NPHP4: variants seen among roughly 807,000 people sequenced by gnomAD.
NPHP4 encodes the protein nephrocystin-4.
NPHP4 carries 151 observed loss-of-function variants against 155.8 expected under a neutral mutation model. The observed-to-expected ratio is 0.97, with a 90% confidence interval of 0.85 to 1.11. The LOEUF is 1.11. Ranked by LOEUF, NPHP4 falls within the 50% of genes least tolerant of loss-of-function variation. The pLI is 0.00. For missense variants in NPHP4, 1,956 were observed against 1,925.7 expected, an observed-to-expected ratio of 1.02 and a Z score of -0.29; for synonymous variants, 845 against 816.8, an observed-to-expected ratio of 1.03 and a Z score of -0.59.
rs182965575 is a variant in NPHP4, at chr1:5,922,718, G to A, written c.1441+4931C>T. Reference sequence around the variant, plus strand: ...CTGCAGTCCTGGCTTAGCCGGGCACGGTGGCACTGCCTGCAGTCCTGGCTT... The same window carrying A: ...CTGCAGTCCTGGCTTAGCCGGGCACAGTGGCACTGCCTGCAGTCCTGGCTT... On this transcript the variant is annotated intron_variant, in intron 11 of 29. Coordinates refer to ENST00000378156, the MANE Select transcript of NPHP4 (RefSeq NM_015102.5). Among the ~76,000 whole-genome samples the A allele has an allele frequency of 3.2e-3, 487 of 150,066 alleles. 2 individuals carry two copies. The highest frequency in any genetic ancestry group is 0.011 in the African/African-American group (449 of 40,792).
chr1:5,937,365 C>T (rs1646597596), intron 9 of NPHP4, among the ~76,000 whole-genome samples: 1 of 152,246 alleles, frequency 6.6e-6, no homozygotes, highest in South Asian at 2.1e-4. Flanking sequence ...GGGTGTGACA[C>T]TTTGTTACAG....
In NPHP4 at chr1:5,907,224, TG is replaced by T. The variant is rs1435466792; in HGVS notation, c.1504-3del. The T allele has an allele frequency of 6.4e-7, 1 of 1,568,214 alleles. No individual in the cohort carries two copies. Among genetic ancestry groups the T allele is most frequent in the African/African-American group, 1.4e-5 (1 of 74,002 alleles). On this transcript the variant is annotated splice_polypyrimidine_tract_variant and splice_region_variant and intron_variant, in intron 12 of 29. Transcript: ENST00000378156. ...GGCCGCCAGCTGGGAAATTGACAAC[TG>T]GAAGGAAAGAGAGCACAGGTGAGGG...
In NPHP4 at chr1:5,874,533, C is replaced by T. The variant is rs755465110; in HGVS notation, c.3169G>A (p.Glu1057Lys). The change falls in exon 22 of 30, where the codon GAG becomes AAG. Residue 1057 changes from glutamate to lysine, a missense_variant. Transcript: ENST00000378156. Reference protein sequence around the residue: ...LAPQLYLRPHETAHVPFKFQS... With the variant: ...LAPQLYLRPHKTAHVPFKFQS... ...AACTTGAAGGGGACGTGGGCGGTCT[C>T]GTGGGGGCGCAGGTAGAGCTGGGGG... 79 of 1,594,376 alleles carry T rather than the reference C, an allele frequency of 5.0e-5. 1 individual carries two copies. Among genetic ancestry groups the T allele is most frequent in the South Asian group, 1.8e-4 (16 of 87,736 alleles).
chr1:5,934,213 G>A (rs1029419063), intron 9 of NPHP4, among the ~76,000 whole-genome samples: 2 of 152,124 alleles, frequency 1.3e-5, no homozygotes, highest in Non-Finnish European at 2.9e-5. Flanking sequence ...GGCTCCCCTG[G>A]TGGGTGGAGC....
chr1:5,881,172 C>G (rs1260495048), intron 18 of NPHP4: 2 of 152,268 alleles, frequency 1.3e-5, no homozygotes, highest in African/African-American at 4.8e-5. Context: ...TTGGCTGCAG[C>G]AGATCCACCT....
chr1:5,930,747 T>G (rs1258210369), intron 10 of NPHP4, among the ~76,000 whole-genome samples: 1 of 152,222 alleles, frequency 6.6e-6, no homozygotes, highest in Non-Finnish European at 1.5e-5. Context: ...ATCCTGCTGT[T>G]GTTGGGGAGA....
rs1644060149 is a variant in NPHP4 at position 5,890,424 on chromosome 1, A to T, written c.2304+444T>A. 6.6e-6 allele frequency among the ~76,000 whole-genome samples: 1 copy of T among 152,100 alleles called. No homozygotes were observed. The highest frequency in any genetic ancestry group is 1.5e-5 in the Non-Finnish European group (1 of 68,002). ...TGGAAAAGGACAATTAGTAAAAGAGATTCTAATTTTCACCAGAATGAGAAA... is the reference window on the plus strand; with the variant it reads ...TGGAAAAGGACAATTAGTAAAAGAGTTTCTAATTTTCACCAGAATGAGAAA... On this transcript the variant is annotated intron_variant, in intron 17 of 29. Transcript: ENST00000378156. The surrounding 1 kb of genome is among the most constrained non-coding windows in gnomAD (Gnocchi z 4.9).
chr1:5,868,206 A>G, intron 23 of NPHP4: 2 of 442,334 alleles, frequency 4.5e-6, no homozygotes, highest in South Asian at 3.9e-5. Flanking sequence ...TGCAGTCCCA[A>G]GTCAAAACTA....
intron 2 of NPHP4, among the ~76,000 whole-genome samples, chr1:5,982,471 T>C (rs1654864534): frequency 6.6e-6 from 1 of 152,236 alleles, no homozygotes; most frequent in African/African-American, 2.4e-5. Flanking sequence ...GTTTGCACAA[T>C]GACAAAATCA....
chr1:5,874,571 C>G lies in NPHP4; in HGVS notation c.3131G>C (p.Arg1044Pro), dbSNP rs375819124. ...TPVEEDMFHL[R>P]GSLAPQLYLR... ...GTAGAGCTGGGGGGCCAGGCTGCCA[C>G]GCAGGTGGAACATGTCCTCCTCCAC... is the stretch of plus-strand genomic sequence containing the variant. Residue 1044 changes from arginine (R) to proline (P), a missense_variant, in exon 22 of 30, where the codon CGT becomes CCT. By Grantham distance (103) the Arg-to-Pro change is moderately radical (BLOSUM62 -2). Transcript: ENST00000378156. The G allele has an allele frequency of 1.9e-6, 3 of 1,608,692 alleles. No homozygotes were observed. The highest frequency in any genetic ancestry group is 2.5e-6 in the Non-Finnish European group (3 of 1,178,080).
At chr1:5,876,299 G>GGCCCT (rs1347815611) in intron 20 of NPHP4, 2 of 152,288 alleles carry the variant, frequency 1.3e-5, no homozygotes, top group African/African-American at 2.4e-5. Flanking sequence ...GTCATGCCCT[G>GGCCCT]GCCCTGCCCT....
In NPHP4 at chr1:5,965,702, G is replaced by A. The variant is rs186061542; in HGVS notation, c.517+1597C>T. Among the ~76,000 whole-genome samples the A allele has an allele frequency of 4.4e-3, 675 of 152,174 alleles. 6 individuals carry two copies. The highest frequency in any genetic ancestry group is 0.015 in the African/African-American group (607 of 41,516). ...CATGCCCCGGCCCATGCTAACCACC[G>A]TTAGCCTTTCTTCCCTCAGGACTGG... is the stretch of plus-strand genomic sequence containing the variant. On this transcript the variant is annotated intron_variant, in intron 5 of 29. Coordinates refer to ENST00000378156, the MANE Select transcript of NPHP4 (RefSeq NM_015102.5).
At position 5,907,233 on chromosome 1, in the gene NPHP4, A is replaced by G. The variant is rs1329097702; in HGVS notation, c.1504-11T>C. The G allele has an allele frequency of 1.3e-6, 2 of 1,545,950 alleles. No individual in the cohort carries two copies. The highest frequency in any genetic ancestry group is 2.4e-5 in the East Asian group (1 of 42,010). ...CTGGGAAATTGACAACTGGAAGGAA[A>G]GAGAGCACAGGTGAGGGGCTCAGAA... On this transcript the variant is annotated splice_polypyrimidine_tract_variant and intron_variant, in intron 12 of 29. Transcript: ENST00000378156.
chr1:5,962,493 G>C (rs1048017155), intron 5 of NPHP4, among the ~76,000 whole-genome samples: 1 of 152,194 alleles, frequency 6.6e-6, no homozygotes, highest in Non-Finnish European at 1.5e-5. Flanking sequence ...ACCCTGGCCC[G>C]AGGCCTGCCT....
In NPHP4 at chr1:5,909,153, C is replaced by T; in HGVS notation, c.1502G>A (p.Gly501Glu). 1 of 1,597,266 alleles carries T rather than the reference C, an allele frequency of 6.3e-7. No homozygotes were observed. The highest frequency in any genetic ancestry group is 1.3e-5 in the African/African-American group (1 of 74,734). Residue 501 changes from glycine to glutamate, a missense_variant and splice_region_variant, in exon 12 of 30, where the codon GGG (glycine) becomes GAG (glutamate). Transcript: ENST00000378156. ...AGGCCGTGGGGGGCCTGGACTTACCCCTGGTCCCACAGGTGAGTTCTGCGG... is the reference window on the plus strand; with the variant it reads ...AGGCCGTGGGGGGCCTGGACTTACCTCTGGTCCCACAGGTGAGTTCTGCGG... ...AAPQNSPVGP[G>E]LSISQLAASP...
intron 9 of NPHP4, among the ~76,000 whole-genome samples, chr1:5,943,396 A>C (rs1646925066): frequency 6.6e-6 from 1 of 152,202 alleles, no homozygotes; most frequent in Admixed American, 6.5e-5. Context: ...TCATCAGCCC[A>C]GGTAGCCTCC....
intron 2 of NPHP4, among the ~76,000 whole-genome samples, chr1:5,980,221 G>A (rs1049452506): frequency 2.0e-5 from 3 of 152,166 alleles, no homozygotes; most frequent in African/African-American, 7.2e-5. Flanking sequence ...CGCTTCCCCA[G>A]GTGGCCTGTG....
intron 8 of NPHP4, 90 bp from the exon 9 acceptor site, chr1:5,947,320 G>T: frequency 7.0e-7 from 1 of 1,427,030 alleles, no homozygotes; most frequent in Non-Finnish European, 9.7e-7. Flanking sequence ...ACAGTCAAGG[G>T]GACACCCTGG....
Position 5,922,270 on chromosome 1 carries a change from C to A in NPHP4, c.1441+5379G>T, listed in dbSNP as rs573225199. On this transcript the variant is annotated intron_variant, in intron 11 of 29. Transcript: ENST00000378156. Reference sequence around the variant, plus strand: ...GAGCCCTCGATTTAAGACTATAGGACCCACTTTGGACTTCTGACCTCCAGA... The same window carrying A: ...GAGCCCTCGATTTAAGACTATAGGAACCACTTTGGACTTCTGACCTCCAGA... 8.0e-4 allele frequency among the ~76,000 whole-genome samples: 122 copies of A among 152,346 alleles called. 1 individual carries two copies. Among genetic ancestry groups the A allele is most frequent in the African/African-American group, 2.8e-3 (116 of 41,566 alleles).
Sources: allele counts gnomAD v4.1 joint callset (sites outside exome capture counted in the v4.1 genomes callset), GRCh38; gene constraint gnomAD v4.1.1; non-coding constraint Gnocchi (gnomAD v3.1); transcripts MANE v1.5; gene names NCBI Gene and HGNC (gene_info 2026-07-23, HGNC 2026-07-21).